Variants in SGMS1 observed in about 807,000 individuals in gnomAD.
SGMS1 encodes the protein sphingomyelin synthase 1.
Under a neutral mutation model 46.2 loss-of-function variants are expected in SGMS1, and 13 were observed. The ratio of observed to expected loss-of-function variants is 0.28; its 90% confidence interval spans 0.18 to 0.45. The LOEUF (loss-of-function observed/expected upper bound fraction) is 0.45. Ranked by LOEUF, SGMS1 falls within the 20% of genes least tolerant of loss-of-function variation. The pLI, the probability that SGMS1 is intolerant of heterozygous loss-of-function variation, is 1.00. For missense variants in SGMS1, 324 were observed against 519.9 expected (o/e 0.62, Z 3.66); for synonymous variants, 203 against 187.8 (o/e 1.08, Z -0.66).
chr10:50,380,624 C>A (rs560227118), intron 6 of SGMS1, among the ~76,000 whole-genome samples: 2 of 152,206 alleles, frequency 1.3e-5, no homozygotes, highest in African/African-American at 2.4e-5. Context: ...CTGCTGCCAG[C>A]GGAGTGCCAA....
intron 2 of SGMS1, among the ~76,000 whole-genome samples, chr10:50,559,377 C>T (rs1217350381): frequency 6.6e-6 from 1 of 152,198 alleles, no homozygotes; most frequent in Non-Finnish European, 1.5e-5. Flanking sequence ...TTATCTTCCA[C>T]ATGTTTTCCA....
chr10:50,309,767 T>G (rs932597114), intron 9 of SGMS1, among the ~76,000 whole-genome samples: 1 of 152,198 alleles, frequency 6.6e-6, no homozygotes, highest in African/African-American at 2.4e-5. Context: ...TTCCTGTATT[T>G]CCTTATCTTA....
At chr10:50,613,807 G>A (rs1432280299) in intron 1 of SGMS1, among the ~76,000 whole-genome samples, 1 of 152,208 alleles carries the variant, frequency 6.6e-6, no homozygotes, top group Non-Finnish European at 1.5e-5. Context: ...AGGAAAAAGT[G>A]TAGCCTGGAT....
At chr10:50,512,006 C>G (rs1407055128) in intron 3 of SGMS1, among the ~76,000 whole-genome samples, 2 of 152,146 alleles carry the variant, frequency 1.3e-5, no homozygotes, top group East Asian at 3.8e-4. Context: ...TGTCAATAAA[C>G]ATTCAGTGAA....
At chr10:50,534,142 G>A (rs1225240638) in intron 2 of SGMS1, among the ~76,000 whole-genome samples, 1 of 152,104 alleles carries the variant, frequency 6.6e-6, no homozygotes, top group Non-Finnish European at 1.5e-5. Context: ...ACACATTTAA[G>A]TATAGCAAAA....
At chr10:50,377,350 T>C (rs143541909) in intron 6 of SGMS1, among the ~76,000 whole-genome samples, 1 of 152,326 alleles carries the variant, frequency 6.6e-6, no homozygotes, top group Non-Finnish European at 1.5e-5. Context: ...AATTAATGAA[T>C]GGGTTACTCC....
At chr10:50,443,026 A>T (rs1416852355) in intron 5 of SGMS1, among the ~76,000 whole-genome samples, 1 of 152,196 alleles carries the variant, frequency 6.6e-6, no homozygotes, top group Non-Finnish European at 1.5e-5. Context: ...GTGTTCTATG[A>T]GCAAAAATTT....
At chr10:50,423,096 A>T (rs1849276623) in intron 6 of SGMS1, among the ~76,000 whole-genome samples, 1 of 152,244 alleles carries the variant, frequency 6.6e-6, no homozygotes, top group Non-Finnish European at 1.5e-5. Flanking sequence ...CTTGCAGGTA[A>T]CAAAAATGGC....
chr10:50,358,531 A>T (rs1848193268), intron 6 of SGMS1, among the ~76,000 whole-genome samples: 2 of 152,138 alleles, frequency 1.3e-5, no homozygotes. Flanking sequence ...TCTACTAAAA[A>T]TACAAAACTT....
At chr10:50,388,145 T>C (rs1436431999) in intron 6 of SGMS1, among the ~76,000 whole-genome samples, 1 of 152,176 alleles carries the variant, frequency 6.6e-6, no homozygotes, top group African/African-American at 2.4e-5. Flanking sequence ...AATAAAAACA[T>C]ACAATATCAC....
At chr10:50,521,875 T>C (rs957950360) in intron 2 of SGMS1, among the ~76,000 whole-genome samples, 7 of 152,184 alleles carry the variant, frequency 4.6e-5, no homozygotes, top group African/African-American at 1.4e-4. Context: ...AGCCAAGGTG[T>C]TGTCCAACTT....
chr10:50,325,653 G>A (rs1847519105), intron 8 of SGMS1, among the ~76,000 whole-genome samples: 1 of 152,326 alleles, frequency 6.6e-6, no homozygotes, highest in South Asian at 2.1e-4. Flanking sequence ...GCAACTGGCG[G>A]AGCTACAGTA....
intron 6 of SGMS1, among the ~76,000 whole-genome samples, chr10:50,407,289 C>G (rs1250241337): frequency 6.6e-6 from 1 of 152,060 alleles, no homozygotes; most frequent in Non-Finnish European, 1.5e-5. Context: ...CTCAAAAGTC[C>G]CCTAGTGATG....
upstream of SGMS1, chr10:50,624,111 G>A (rs190527904): frequency 1.1e-3 from 1,039 of 985,430 alleles, 11 homozygotes; most frequent in African/African-American, 0.017. Flanking sequence ...CGAACCAAGG[G>A]ACAGTCGCAG....
intron 6 of SGMS1, among the ~76,000 whole-genome samples, chr10:50,405,509 A>G (rs1849000436): frequency 1.3e-5 from 2 of 152,208 alleles, no homozygotes; most frequent in Admixed American, 6.5e-5. Flanking sequence ...AGAAGCCACA[A>G]AAAATTAGCA....
intron 5 of SGMS1, among the ~76,000 whole-genome samples, chr10:50,438,802 T>C (rs2133631624): frequency 6.6e-6 from 1 of 152,328 alleles, no homozygotes; most frequent in Non-Finnish European, 1.5e-5. Context: ...TTCAGTTCTC[T>C]CCAACTCAGA....
chr10:50,530,620 G>A (rs1386288590), intron 2 of SGMS1, among the ~76,000 whole-genome samples: 1 of 152,056 alleles, frequency 6.6e-6, no homozygotes, highest in African/African-American at 2.4e-5. Flanking sequence ...AAGTAGCTAA[G>A]ACTACACGTA....
chr10:50,371,028 A>G (rs1564892308), intron 6 of SGMS1, among the ~76,000 whole-genome samples: 2 of 152,330 alleles, frequency 1.3e-5, no homozygotes, highest in East Asian at 3.9e-4. Flanking sequence ...TAACAGAGCC[A>G]AATACTATCA....
chr10:50,438,382 C>G, intron 5 of SGMS1, among the ~76,000 whole-genome samples: 1 of 152,196 alleles, frequency 6.6e-6, no homozygotes, highest in East Asian at 1.9e-4. Context: ...ACTGAGAGAG[C>G]CCCATGAGGA....
Sources: gnomAD v4.1 joint callset for allele counts (sites outside exome capture counted in the v4.1 genomes callset) on GRCh38, gnomAD v4.1.1 for gene constraint, MANE v1.5 for transcripts, NCBI Gene and HGNC (gene_info 2026-07-23, HGNC 2026-07-21) for gene names.